Variants in CNTN5 observed in about 807,000 individuals in gnomAD.
CNTN5 encodes contactin 5.
In CNTN5, 77 loss-of-function variants were observed where a neutral mutation model predicts 129.1. The ratio of observed to expected loss-of-function variants is 0.60; its 90% CI spans 0.50 to 0.72. The LOEUF is 0.72. Ranked by LOEUF, CNTN5 falls within the 30% of genes least tolerant of loss-of-function variation. The pLI is 0.00. For missense variants in CNTN5, 1,478 were observed against 1,328.8 expected, an observed-to-expected ratio of 1.11 and a Z score of -1.75; for synonymous variants, 509 against 465.6, an observed-to-expected ratio of 1.09 and a Z score of -1.20.
intron 13 of CNTN5, among the ~76,000 whole-genome samples, chr11:100,138,376 CAA>C (rs902878535): frequency 4.8e-4 from 73 of 151,940 alleles, no homozygotes; most frequent in African/African-American, 1.6e-3. Flanking sequence ...ATGAACAAAA[CAA>C]AGTCTCTGCC....
chr11:99,428,781 G>T (rs1239833103), intron 2 of CNTN5, among the ~76,000 whole-genome samples: 2 of 151,806 alleles, frequency 1.3e-5, no homozygotes, highest in Non-Finnish European at 2.9e-5. Flanking sequence ...TGCAGTATTA[G>T]ACAAAGCTAG....
chr11:99,562,147 TAATC>T (rs984196247), intron 3 of CNTN5, among the ~76,000 whole-genome samples: 9 of 152,192 alleles, frequency 5.9e-5, no homozygotes, highest in Non-Finnish European at 1.0e-4. Context: ...TAGAGACTCA[TAATC>T]AATAAAGCAG....
chr11:99,740,404 G>A lies in CNTN5; in HGVS notation c.56-79140G>A, dbSNP rs145118826. Among the ~76,000 whole-genome samples the A allele has an allele frequency of 3.1e-3, 476 of 152,240 alleles. 2 individuals are homozygous for A. Among genetic ancestry groups the A allele is most frequent in the Admixed American group, 6.6e-3 (101 of 15,280 alleles). On this transcript the variant is annotated intron_variant, in intron 3 of 24. Transcript: ENST00000524871. ...GGAGAACTTGTTTGTTAAGAATGAG[G>A]CATTATCATAGTATTGGTAATGCAT...
At chr11:99,739,863 G>C (rs1376863558) in intron 3 of CNTN5, among the ~76,000 whole-genome samples, 6 of 152,086 alleles carry the variant, frequency 3.9e-5, no homozygotes, top group African/African-American at 1.4e-4. Context: ...TAGGCAAGGA[G>C]CTTTTAAAAA....
intron 2 of CNTN5, among the ~76,000 whole-genome samples, chr11:99,523,462 G>A (rs928232890): frequency 1.1e-4 from 16 of 152,146 alleles, no homozygotes; most frequent in African/African-American, 2.9e-4. Context: ...AGGTGTGATC[G>A]TGTGTGCCTG....
chr11:99,296,301 A>T lies in CNTN5; in HGVS notation c.-209-29045A>T, dbSNP rs183976561. Among the ~76,000 whole-genome samples, 3 of 152,244 alleles carry T rather than the reference A, an allele frequency of 2.0e-5. No homozygotes were observed. The East Asian group carries it at 5.8e-4, about 29-fold the overall frequency. On this transcript the variant is annotated intron_variant, in intron 1 of 24. Transcript: ENST00000524871. The stretch of plus-strand genomic sequence containing the variant: ...TTCTCAGCTGTGAGATTATAAACCC[A>T]AGGTTCAAAGCTAACAAATTTTGCT...
chr11:99,738,616 CGTGTGTGTGTGT>C (rs113729274), intron 3 of CNTN5, among the ~76,000 whole-genome samples: 3 of 143,210 alleles, frequency 2.1e-5, no homozygotes, highest in Non-Finnish European at 4.6e-5. Flanking sequence ...AAGACAGTAA[CGTGTGTGTGTGT>C]GTGTGTGTGT....
rs1267843732 is a variant in CNTN5 at position 99,556,185 on chromosome 11, T to A, written c.-30T>A. Reference sequence around the variant, plus strand: ...AGAAACACCAGAGCTGTTAAACACATTGAGACACAGAAGATTCTAGTGACT... The same window carrying A: ...AGAAACACCAGAGCTGTTAAACACAATGAGACACAGAAGATTCTAGTGACT... On this transcript the variant is annotated 5_prime_UTR_variant, in exon 3 of 25. In the 5' UTR this introduces an upstream ATG that the reference lacks. Coordinates refer to ENST00000524871, the MANE Select transcript of CNTN5 (RefSeq NM_014361.4). 2 of 1,423,296 alleles carry A rather than the reference T, an allele frequency of 1.4e-6. No homozygotes were observed. The highest frequency in any genetic ancestry group is 1.9e-6 in the Non-Finnish European group (2 of 1,050,250). 88.2% of individuals were successfully genotyped at this position (1,423,296 alleles called of 1,614,324 possible). A position where few individuals can be genotyped will look rare whatever the true frequency, so the allele number is the denominator to read the frequency against.
intron 12 of CNTN5, among the ~76,000 whole-genome samples, chr11:100,072,256 T>C (rs1297834067): frequency 6.6e-6 from 1 of 152,188 alleles, no homozygotes; most frequent in East Asian, 1.9e-4. Flanking sequence ...GTGTGGCTCC[T>C]GCAAAGCAAG....
chr11:99,896,811 C>T (rs760120734), intron 6 of CNTN5, among the ~76,000 whole-genome samples: 1 of 152,170 alleles, frequency 6.6e-6, no homozygotes, highest in Non-Finnish European at 1.5e-5. Context: ...ACTGTCCCAG[C>T]TGAGGGTTCC....
At chr11:99,277,685 A>G (rs1863505204) in intron 1 of CNTN5, among the ~76,000 whole-genome samples, 1 of 151,720 alleles carries the variant, frequency 6.6e-6, no homozygotes, top group South Asian at 2.1e-4. Context: ...TCAAAGAGGA[A>G]ATCCTGTTGT....
At chr11:99,972,262 A>G (rs1951283924) in intron 8 of CNTN5, among the ~76,000 whole-genome samples, 1 of 152,056 alleles carries the variant, frequency 6.6e-6, no homozygotes, top group Non-Finnish European at 1.5e-5. Context: ...CTCTGTTTCA[A>G]AAAATAAGTA....
chr11:99,150,601 A>G (rs535730031), intron 1 of CNTN5, among the ~76,000 whole-genome samples: 1 of 152,152 alleles, frequency 6.6e-6, no homozygotes, highest in East Asian at 1.9e-4. Flanking sequence ...ATTTTGAAGA[A>G]TGGTGTAATA....
intron 9 of CNTN5, among the ~76,000 whole-genome samples, chr11:100,055,028 T>TAAAAAAAA (rs137939088): frequency 1.1e-5 from 1 of 91,692 alleles, no homozygotes; most frequent in Non-Finnish European, 2.2e-5. Flanking sequence ...AGCCGTAGCC[T>TAAAAAAAA]AAAAAAAAAA....
chr11:99,477,980 T>C lies in CNTN5; in HGVS notation c.-70-78165T>C, dbSNP rs1231091443. On this transcript the variant is annotated intron_variant, in intron 2 of 24. Transcript: ENST00000524871. ...ATAGAGACACATTGCAGAGGTTTAG[T>C]TGGAGATGATTTTTTTCTTTGCCTC... Among the ~76,000 whole-genome samples, 4 of 151,972 alleles carry C rather than the reference T, an allele frequency of 2.6e-5. No homozygotes were observed. The East Asian group carries it at 7.7e-4, about 29-fold the overall frequency.
chr11:99,898,173 C>T (rs565443186), intron 6 of CNTN5, among the ~76,000 whole-genome samples: 10 of 151,810 alleles, frequency 6.6e-5, no homozygotes, highest in African/African-American at 2.4e-4. Context: ...ATAAGAAAAA[C>T]AAGAACAAAT....
intron 6 of CNTN5, among the ~76,000 whole-genome samples, chr11:99,887,274 C>G (rs1331973553): frequency 1.3e-5 from 2 of 152,050 alleles, no homozygotes; most frequent in Non-Finnish European, 2.9e-5. Context: ...CTAATGAGAC[C>G]TGAGGGAGAA....
chr11:99,348,924 C>T (rs898538008), intron 2 of CNTN5, among the ~76,000 whole-genome samples: 4 of 152,120 alleles, frequency 2.6e-5, no homozygotes, highest in Non-Finnish European at 4.4e-5. Context: ...GCACTCTGTG[C>T]CAAAGGTTCA....
chr11:99,334,143 G>C (rs1045723527), intron 2 of CNTN5, among the ~76,000 whole-genome samples: 2 of 1,232 alleles, frequency 1.6e-3, no homozygotes, highest in African/African-American at 1.9e-3. Flanking sequence ...AAACATCTCA[G>C]ACTCTCACTC....
Sources: gnomAD v4.1 joint callset for allele counts (sites outside exome capture counted in the v4.1 genomes callset) on GRCh38, gnomAD v4.1.1 for gene constraint, MANE v1.5 for transcripts, NCBI Gene and HGNC (gene_info 2026-07-23, HGNC 2026-07-21) for gene names.